The following MMP24 variants were observed in gnomAD, a reference collection of about 807,000 sequenced individuals.
MMP24 encodes the protein matrix metalloproteinase-24.
MMP24 carries 25 observed loss-of-function variants against 62.8 expected under a neutral mutation model. That is an observed-to-expected ratio of 0.40 (90% CI 0.29 to 0.56). The LOEUF (loss-of-function observed/expected upper bound fraction) is 0.56, where lower values mean the gene tolerates loss of function less well. MMP24 is among the 20% of genes least tolerant of loss of function. The probability of loss-of-function intolerance (pLI) is 0.50; values close to 1 mark genes in which losing one functional copy is unlikely to be tolerated. For synonymous variants in MMP24, 319 were observed against 350.5 expected (o/e 0.91, Z 1.00); for missense variants, 634 against 853.6 (o/e 0.74, Z 3.21).
At chr20:35,246,693 A>C in intron 1 of MMP24, 147 bp from the exon 2 acceptor site, 1 of 833,944 alleles carries the variant, frequency 1.2e-6, no homozygotes, top group South Asian at 1.7e-5. Context: ...CAGTGTCTGC[A>C]GGATGGGGTG....
Position 35,271,894 on chromosome 20 carries a change from G to C in MMP24, c.1600+59G>C. On this transcript the variant is annotated intron_variant, in intron 8 of 8. Coordinates refer to ENST00000246186, the MANE Select transcript of MMP24 (RefSeq NM_006690.4). This position sits in a 1 kb window ranked among gnomAD's most constrained non-coding sequence, Gnocchi z 4.0. Reference sequence around the variant, plus strand: ...AGCCGGTTTTATGTGGTCCTCACCAGTGCCCACGGGCATACTCAGTGCCCA... The same window carrying C: ...AGCCGGTTTTATGTGGTCCTCACCACTGCCCACGGGCATACTCAGTGCCCA... 4 of 1,530,600 alleles carry C rather than the reference G, an allele frequency of 2.6e-6. No individual in the cohort carries two copies. Among genetic ancestry groups the C allele is most frequent in the Middle Eastern group, 4.3e-4 (2 of 4,668 alleles). The allele number at this position is 1,530,600 out of a possible 1,614,324, so 94.8% of individuals were successfully genotyped here. A position where few individuals can be genotyped will look rare whatever the true frequency, so the allele number is the denominator to read the frequency against.
chr20:35,246,888 T>G lies in MMP24; in HGVS notation c.295T>G (p.Ser99Ala), dbSNP rs1211391429. 1 of 1,614,024 alleles carries G rather than the reference T, an allele frequency of 6.2e-7. No homozygotes were observed. The highest frequency in any genetic ancestry group is 1.3e-5 in the African/African-American group (1 of 75,064). ...GYLLPYDSRA[S>A]ALHSAKALQS... The stretch of plus-strand genomic sequence containing the variant: ...TCTGCTTCCCTATGACTCACGGGCA[T>G]CTGCGCTGCACTCAGCGAAGGCCTT... Residue 99 changes from serine (S) to alanine (A), a missense_variant, in exon 2 of 9, where the codon TCT becomes GCT. Physicochemically the swap from Ser to Ala is moderately conservative, Grantham distance 99. Coordinates refer to ENST00000246186, the MANE Select transcript of MMP24 (RefSeq NM_006690.4).
At position 35,271,861 on chromosome 20, in the gene MMP24, G is replaced by A. The variant is rs1171079509; in HGVS notation, c.1600+26G>A. ...GTACGTAAGGGCCGGGCCAGGGTGG[G>A]CATGGGGAGCCGGTTTTATGTGGTC... On this transcript the variant is annotated intron_variant, in intron 8 of 8. Transcript: ENST00000246186. This position sits in a 1 kb window ranked among gnomAD's most constrained non-coding sequence, Gnocchi z 4.0. 6.3e-7 allele frequency: 1 copy of A among 1,591,566 alleles called. No individual in the cohort carries two copies. The highest frequency in any genetic ancestry group is 8.5e-7 in the Non-Finnish European group (1 of 1,170,422).
At chr20:35,227,411 C>CT in intron 1 of MMP24, among the ~76,000 whole-genome samples, 1 of 151,920 alleles carries the variant, frequency 6.6e-6, no homozygotes, top group East Asian at 2.0e-4. Context: ...AGGAAGGACT[C>CT]GATCACTGTC....
At chr20:35,255,370 G>GGA (rs1313805958) in intron 4 of MMP24, among the ~76,000 whole-genome samples, 1 of 152,070 alleles carries the variant, frequency 6.6e-6, no homozygotes, top group African/African-American at 2.4e-5. Context: ...AGCTGAAAGA[G>GGA]GGGTCTGAAA....
chr20:35,255,004 G>A (rs989393479), intron 4 of MMP24, among the ~76,000 whole-genome samples: 1 of 152,084 alleles, frequency 6.6e-6, no homozygotes, highest in Non-Finnish European at 1.5e-5. Context: ...AGGCCAGTAA[G>A]AAGATAAAGT....
intron 4 of MMP24, chr20:35,262,837 G>A (rs1366026619): frequency 7.2e-6 from 1 of 139,772 alleles, no homozygotes; most frequent in Non-Finnish European, 1.5e-5. Flanking sequence ...TTAGGGAGTG[G>A]TGATGACTCT....
rs541802484 is a variant in MMP24, at chr20:35,258,950, G to T, written c.817+4196G>T. The stretch of plus-strand genomic sequence containing the variant: ...ATCCCAGCACTTTGGGAGGCCGAGG[G>T]GGGGCAGATCACCTGAGGTCAGGAG... On this transcript the variant is annotated intron_variant, in intron 4 of 8. Coordinates refer to ENST00000246186, the MANE Select transcript of MMP24 (RefSeq NM_006690.4). Among the ~76,000 whole-genome samples, 20 of 152,264 alleles carry T rather than the reference G, an allele frequency of 1.3e-4. No homozygotes were observed. In the South Asian group the frequency reaches 2.9e-3, roughly 22 times the overall value.
intron 1 of MMP24, among the ~76,000 whole-genome samples, chr20:35,240,398 T>C (rs1206164655): frequency 6.6e-6 from 1 of 152,012 alleles, no homozygotes; most frequent in Non-Finnish European, 1.5e-5. Flanking sequence ...CTTACTTTCC[T>C]CTGGGTTTAC....
In MMP24 at chr20:35,275,510, AGGAAGATCCGAGTT is replaced by A. The variant is rs2060698847; in HGVS notation, c.*902_*915del. ...GGGCAGAAGCTGACCCCATTTCTGG[AGGAAGATCCGAGTT>A]TGTGACCGTCCTCCACTCCCCTCTA... On this transcript the variant is annotated 3_prime_UTR_variant, in exon 9 of 9. Coordinates refer to ENST00000246186, the MANE Select transcript of MMP24 (RefSeq NM_006690.4). 6.6e-6 allele frequency: 1 copy of A among 152,252 alleles called. No homozygotes were observed. The highest frequency in any genetic ancestry group is 1.5e-5 in the Non-Finnish European group (1 of 68,148). The allele number at this position is 152,252 out of a possible 1,614,324, so 9.4% of individuals were successfully genotyped here.
intron 5 of MMP24, among the ~76,000 whole-genome samples, chr20:35,264,655 C>G (rs1017580727): frequency 2.4e-5 from 3 of 125,172 alleles, no homozygotes; most frequent in Non-Finnish European, 4.7e-5. Context: ...TTGCAGTGAG[C>G]TGAGATCGCA....
intron 4 of MMP24, among the ~76,000 whole-genome samples, chr20:35,260,934 C>A (rs907249781): frequency 6.6e-6 from 1 of 152,184 alleles, no homozygotes; most frequent in Non-Finnish European, 1.5e-5. Flanking sequence ...CCAGAGTGGG[C>A]AGTAGGACTC....
At chr20:35,259,536 G>A (rs1233595782) in intron 4 of MMP24, among the ~76,000 whole-genome samples, 1 of 152,154 alleles carries the variant, frequency 6.6e-6, no homozygotes, top group Non-Finnish European at 1.5e-5. Flanking sequence ...CTGCCAGCTG[G>A]GAAGTCATGG....
At chr20:35,234,698 T>C (rs1241386355) in intron 1 of MMP24, among the ~76,000 whole-genome samples, 6 of 151,986 alleles carry the variant, frequency 3.9e-5, no homozygotes, top group African/African-American at 9.7e-5. Context: ...TAGCTAGAGG[T>C]TGGGGTACTT....
At chr20:35,227,936 A>T (rs2146195281) in intron 1 of MMP24, among the ~76,000 whole-genome samples, 1 of 152,194 alleles carries the variant, frequency 6.6e-6, no homozygotes, top group Non-Finnish European at 1.5e-5. Context: ...TTTACCCATG[A>T]CCTTATCCTA....
At chr20:35,239,788 G>T (rs892520426) in intron 1 of MMP24, among the ~76,000 whole-genome samples, 1 of 152,074 alleles carries the variant, frequency 6.6e-6, no homozygotes, top group South Asian at 2.1e-4. Context: ...GGCTGAGAGC[G>T]AGACCCTGTC....
intron 3 of MMP24, 61 bp downstream of exon 3, chr20:35,252,082 G>T: frequency 7.3e-7 from 1 of 1,376,316 alleles, no homozygotes; most frequent in Non-Finnish European, 1.0e-6. Context: ...GTTTTTCCTG[G>T]CCTGAGTTTC....
At position 35,276,446 on chromosome 20, in the gene MMP24, G is replaced by T. The variant is rs879172243; in HGVS notation, c.*1837G>T. 2.0e-5 allele frequency: 8 copies of T among 397,434 alleles called. No homozygotes were observed. Among genetic ancestry groups the T allele is most frequent in the African/African-American group, 1.2e-4 (6 of 48,620 alleles). 24.6% of individuals were successfully genotyped at this position (397,434 alleles called of 1,614,324 possible). A position where few individuals can be genotyped will look rare whatever the true frequency, so the allele number is the denominator to read the frequency against. On this transcript the variant is annotated 3_prime_UTR_variant, in exon 9 of 9. Transcript: ENST00000246186. Reference sequence around the variant, plus strand: ...GGAGGCCGACGGTAACTCTCACCGTGCCCTCAGATGAAGCACAGAGAGGTT... The same window carrying T: ...GGAGGCCGACGGTAACTCTCACCGTTCCCTCAGATGAAGCACAGAGAGGTT...
intron 4 of MMP24, 116 bp from the exon 5 acceptor site, chr20:35,263,669 CTGGTGT>C: frequency 2.6e-6 from 2 of 767,646 alleles, no homozygotes; most frequent in Non-Finnish European, 4.0e-6. Flanking sequence ...CTGTATGTCC[CTGGTGT>C]CCAGCACGGG....
Sources: gnomAD v4.1 joint callset for allele counts (sites outside exome capture counted in the v4.1 genomes callset) on GRCh38, gnomAD v4.1.1 for gene constraint, Gnocchi (gnomAD v3.1) non-coding constraint, MANE v1.5 for transcripts, NCBI Gene and HGNC (gene_info 2026-07-23, HGNC 2026-07-21) for gene names.